Variants in MIPEP observed in about 807,000 individuals in gnomAD.
MIPEP encodes mitochondrial intermediate peptidase.
Under a neutral mutation model 90.3 loss-of-function variants are expected in MIPEP, and 79 were observed. The ratio of observed to expected loss-of-function variants is 0.87; its 90% CI spans 0.73 to 1.05. The LOEUF (loss-of-function observed/expected upper bound fraction) is 1.05, where lower values mean the gene tolerates loss of function less well. Among genes scored for constraint, MIPEP ranks in the 50% least tolerant of loss-of-function variants. The pLI, the probability that MIPEP is intolerant of heterozygous loss-of-function variation, is 0.00. For synonymous variants in MIPEP, 334 were observed against 315.8 expected, an observed-to-expected ratio of 1.06 and a Z score of -0.61; for missense variants, 940 against 905.6, an observed-to-expected ratio of 1.04 and a Z score of -0.49.
chr13:23,831,773 CCAT>C (rs1469178812), intron 14 of MIPEP, among the ~76,000 whole-genome samples: 1 of 152,166 alleles, frequency 6.6e-6, no homozygotes, highest in East Asian at 1.9e-4. Context: ...ACCAATACCA[CCAT>C]GTTGGGGACC....
intron 14 of MIPEP, 62 bp from the exon 15 acceptor site, chr13:23,809,986 T>A: frequency 1.0e-6 from 1 of 960,628 alleles, no homozygotes; most frequent in Non-Finnish European, 1.6e-6. Flanking sequence ...GCACTATGTA[T>A]AAGCCAGGAA....
chr13:23,808,529 T>C (rs1953137607), intron 15 of MIPEP, among the ~76,000 whole-genome samples: 1 of 152,166 alleles, frequency 6.6e-6, no homozygotes, highest in Non-Finnish European at 1.5e-5. Flanking sequence ...ACTTTGCCTC[T>C]CTCTGTCTCT....
chr13:23,801,064 A>T (rs1473978614), intron 16 of MIPEP, among the ~76,000 whole-genome samples: 1 of 151,992 alleles, frequency 6.6e-6, no homozygotes, highest in Non-Finnish European at 1.5e-5. Flanking sequence ...CATTATAAAG[A>T]CTCTTCGTTG....
At chr13:23,827,329 C>T (rs1349027896) in intron 14 of MIPEP, among the ~76,000 whole-genome samples, 2 of 152,096 alleles carry the variant, frequency 1.3e-5, no homozygotes, top group African/African-American at 4.8e-5. Flanking sequence ...AAGAACTTGG[C>T]TCAAATTGAT....
intron 14 of MIPEP, among the ~76,000 whole-genome samples, chr13:23,817,327 T>A (rs887712672): frequency 6.6e-6 from 1 of 152,168 alleles, no homozygotes; most frequent in Non-Finnish European, 1.5e-5. Flanking sequence ...TTGTAAAGCT[T>A]TGGCACGTAT....
intron 16 of MIPEP, among the ~76,000 whole-genome samples, chr13:23,781,597 C>A (rs1952782717): frequency 6.6e-6 from 1 of 152,066 alleles, no homozygotes; most frequent in Admixed American, 6.6e-5. Context: ...CAAATTCACA[C>A]ATAATAATAT....
intron 16 of MIPEP, among the ~76,000 whole-genome samples, chr13:23,768,103 G>A (rs556235848): frequency 6.6e-6 from 1 of 152,026 alleles, no homozygotes; most frequent in South Asian, 2.1e-4. Context: ...TGCTAGCTTT[G>A]AAATGGTGAA....
intron 10 of MIPEP, among the ~76,000 whole-genome samples, chr13:23,847,514 G>A (rs1056976310): frequency 6.6e-6 from 1 of 150,532 alleles, no homozygotes; most frequent in African/African-American, 2.4e-5. Context: ...CACGGATGTT[G>A]AGCAGTAAAA....
At chr13:23,769,589 A>C (rs1952628402) in intron 16 of MIPEP, among the ~76,000 whole-genome samples, 1 of 152,136 alleles carries the variant, frequency 6.6e-6, no homozygotes, top group South Asian at 2.1e-4. Context: ...GAGGGCTATA[A>C]CTGGGCTTTG....
At chr13:23,845,591 C>T (rs1288631119) in intron 10 of MIPEP, among the ~76,000 whole-genome samples, 1 of 152,120 alleles carries the variant, frequency 6.6e-6, no homozygotes, top group Non-Finnish European at 1.5e-5. Context: ...GTGAAATGTC[C>T]TTGTCACACC....
At chr13:23,843,336 GA>G in intron 10 of MIPEP, among the ~76,000 whole-genome samples, 1 of 152,126 alleles carries the variant, frequency 6.6e-6, no homozygotes, top group Non-Finnish European at 1.5e-5. Context: ...GCAGGGGCCA[GA>G]AAACAGAGGG....
At chr13:23,823,726 G>C (rs1205458688) in intron 14 of MIPEP, among the ~76,000 whole-genome samples, 3 of 152,170 alleles carry the variant, frequency 2.0e-5, no homozygotes, top group African/African-American at 7.2e-5. Flanking sequence ...TACTTGGGAG[G>C]CTGGGGCAGG....
chr13:23,799,042 C>T (rs1447033632), intron 16 of MIPEP, among the ~76,000 whole-genome samples: 1 of 109,922 alleles, frequency 9.1e-6, no homozygotes, highest in Non-Finnish European at 1.7e-5. Context: ...CTTGCTCTGT[C>T]GCCCAAGCTG....
At chr13:23,821,016 A>C (rs1953299389) in intron 14 of MIPEP, among the ~76,000 whole-genome samples, 1 of 152,190 alleles carries the variant, frequency 6.6e-6, no homozygotes, top group South Asian at 2.1e-4. Flanking sequence ...ACCAACTGCA[A>C]GCTCCACATT....
chr13:23,763,765 C>T (rs1230578722), intron 16 of MIPEP, among the ~76,000 whole-genome samples: 1 of 152,220 alleles, frequency 6.6e-6, no homozygotes, highest in East Asian at 1.9e-4. Flanking sequence ...CTGGCACACA[C>T]ATGCCCCGTT....
At chr13:23,875,028 ACAC>A in intron 4 of MIPEP, 119 bp from the exon 5 acceptor site, 3 of 47,126 alleles carry the variant, frequency 6.4e-5, no homozygotes, top group Non-Finnish European at 6.3e-5. Context: ...TTTCTTCAAA[ACAC>A]ACACACACAC....
At chr13:23,815,971 T>C (rs372591203) in intron 14 of MIPEP, among the ~76,000 whole-genome samples, 92 of 152,336 alleles carry the variant, frequency 6.0e-4, no homozygotes, top group African/African-American at 2.1e-3. Context: ...ATGTATCTCA[T>C]GCTATAAGTC....
chr13:23,770,122 A>G (rs1952633016), intron 16 of MIPEP, among the ~76,000 whole-genome samples: 1 of 152,196 alleles, frequency 6.6e-6, no homozygotes, highest in Admixed American at 6.5e-5. Context: ...GCAACAGAAA[A>G]TGGGCTAGGA....
intron 12 of MIPEP, among the ~76,000 whole-genome samples, chr13:23,839,287 G>A (rs1378919691): frequency 1.6e-4 from 25 of 152,164 alleles, no homozygotes; most frequent in Admixed American, 1.6e-3. Context: ...AACCTCTATG[G>A]CTTCAGTTTC....
Sources: allele counts gnomAD v4.1 joint callset (sites outside exome capture counted in the v4.1 genomes callset), GRCh38; gene constraint gnomAD v4.1.1; transcripts MANE v1.5; gene names NCBI Gene and HGNC (gene_info 2026-07-23, HGNC 2026-07-21).